Variants in CALM2 observed in about 807,000 individuals in gnomAD.
CALM2 encodes calmodulin-2.
In CALM2, 2 loss-of-function variants were observed where a neutral mutation model predicts 19.8. That is an observed-to-expected ratio of 0.10 (90% CI 0.04 to 0.32). The LOEUF (loss-of-function observed/expected upper bound fraction) is 0.32, where lower values mean the gene tolerates loss of function less well. Ranked by LOEUF, CALM2 falls within the 10% of genes least tolerant of loss-of-function variation. The pLI is 1.00. For missense variants in CALM2, 38 were observed against 178.7 expected (o/e 0.21, Z 4.49); for synonymous variants, 51 against 52.1 (o/e 0.98, Z 0.09).
intron 4 of CALM2, 90 bp downstream of exon 4, chr2:47,162,196 A>AAC: frequency 2.0e-6 from 1 of 490,302 alleles, no homozygotes; most frequent in Non-Finnish European, 3.4e-6. Flanking sequence ...AAAAAAAAAA[A>AAC]AAAACAACCA....
upstream of CALM2, chr2:47,176,577 C>T: frequency 2.6e-6 from 4 of 1,548,882 alleles, no homozygotes; most frequent in Middle Eastern, 1.7e-4. Flanking sequence ...CCGCCGCATC[C>T]AGATAACGGA....
intron 1 of CALM2, chr2:47,173,878 A>G (rs1386675552): frequency 2.0e-5 from 3 of 152,232 alleles, no homozygotes; most frequent in African/African-American, 4.8e-5. Flanking sequence ...AATTCTGAAG[A>G]ATAGTACTTA....
At chr2:47,170,897 A>T in intron 1 of CALM2, 133 bp from the exon 2 acceptor site, 3 of 747,550 alleles carry the variant, frequency 4.0e-6, no homozygotes, top group Middle Eastern at 2.3e-4. Flanking sequence ...ACATCTGGAT[A>T]GAAAATGCAC....
intron 1 of CALM2, among the ~76,000 whole-genome samples, chr2:47,176,056 C>T (rs547006259): frequency 3.8e-4 from 58 of 152,274 alleles, no homozygotes; most frequent in African/African-American, 1.3e-3. Context: ...ATTGAATTCG[C>T]CCCCTGCTTG....
chr2:47,163,499 C>G (rs1360185763), intron 2 of CALM2: 1 of 150,978 alleles, frequency 6.6e-6, no homozygotes, highest in Non-Finnish European at 1.5e-5. Flanking sequence ...ATGGTGCAAT[C>G]TCAGCCCACC....
chr2:47,161,947 A>C (rs1687170014), intron 4 of CALM2, 89 bp from the exon 5 acceptor site: 1 of 1,078,616 alleles, frequency 9.3e-7, no homozygotes. Flanking sequence ...TAAATTTCAC[A>C]TTGGGGGAAA....
At position 47,176,483 on chromosome 2, in the gene CALM2, C is replaced by G. The variant is rs758528730; in HGVS notation, c.-40G>C. ...CGGTTTCCGAGACGCGACCACACAA[C>G]CACTCAGCTCGCTCTCTCCACTCGG... On this transcript the variant is annotated 5_prime_UTR_variant, in exon 1 of 6. Coordinates refer to ENST00000272298, the MANE Select transcript of CALM2 (RefSeq NM_001743.6). 1.3e-5 allele frequency: 21 copies of G among 1,613,340 alleles called. No individual in the cohort carries two copies. The highest frequency in any genetic ancestry group is 6.6e-5 in the South Asian group (6 of 90,902).
intron 2 of CALM2, among the ~76,000 whole-genome samples, chr2:47,168,708 G>T (rs532143446): frequency 5.9e-5 from 9 of 152,092 alleles, no homozygotes; most frequent in African/African-American, 1.9e-4. Context: ...GAGTGAAACT[G>T]TCTCAAAATA....
At chr2:47,173,505 C>T (rs1666740610) in intron 1 of CALM2, 1 of 152,176 alleles carries the variant, frequency 6.6e-6, no homozygotes, top group Admixed American at 6.5e-5. Context: ...TTTTGGAGAA[C>T]CATAGGTGAT....
intron 1 of CALM2, chr2:47,172,552 A>C: frequency 1.0e-6 from 1 of 985,702 alleles, no homozygotes; most frequent in Non-Finnish European, 1.4e-6. Context: ...TTCCACACCG[A>C]ATGTAGACAT....
At chr2:47,175,011 AC>A (rs917984301) in intron 1 of CALM2, among the ~76,000 whole-genome samples, 2 of 148,850 alleles carry the variant, frequency 1.3e-5, no homozygotes, top group East Asian at 2.0e-4. Flanking sequence ...TCCTGGACAC[AC>A]CCATCGCTGT....
In CALM2 at chr2:47,167,814, C is replaced by CCTTTTTTTTTTTTTTTTTTTTTT. The variant is rs775532408; in HGVS notation, c.34+2919_34+2920insAAAAAAAAAAAAAAAAAAAAAAG. 189 of 96,462 alleles carry CCTTTTTTTTTTTTTTTTTTTTTT rather than the reference C, an allele frequency of 2.0e-3. 25 individuals carry two copies. Among genetic ancestry groups the CCTTTTTTTTTTTTTTTTTTTTTT allele is most frequent in the African/African-American group, 9.7e-3 (174 of 17,902 alleles). 6.0% of individuals were successfully genotyped at this position (96,462 alleles called of 1,614,324 possible). On this transcript the variant is annotated intron_variant, in intron 2 of 5. Transcript: ENST00000272298. Reference sequence around the variant, plus strand: ...AAAAAAAAAAATTTTTTTTTCTTTTCTTTGAGACAGGGTCTTGCTGTGTTG... The same window carrying CCTTTTTTTTTTTTTTTTTTTTTT: ...AAAAAAAAAAATTTTTTTTTCTTTTCCTTTTTTTTTTTTTTTTTTTTTTTTTGAGACAGGGTCTTGCTGTGTTG...
intron 5 of CALM2, among the ~76,000 whole-genome samples, chr2:47,161,438 T>C (rs563834288): frequency 1.1e-4 from 16 of 152,334 alleles, no homozygotes; most frequent in Admixed American, 1.0e-3. Flanking sequence ...TGAACAGTGC[T>C]TCTCAAACTT....
intron 1 of CALM2, chr2:47,172,425 G>A: frequency 2.6e-6 from 2 of 775,696 alleles, no homozygotes; most frequent in Non-Finnish European, 3.9e-6. Context: ...TTGCAGGGTT[G>A]TTGTGCAAAG....
intron 2 of CALM2, among the ~76,000 whole-genome samples, chr2:47,168,898 C>T (rs1052652733): frequency 6.6e-6 from 1 of 152,030 alleles, no homozygotes; most frequent in African/African-American, 2.4e-5. Context: ...CTGCATCAGC[C>T]TCCTGAGTGG....
intron 2 of CALM2, among the ~76,000 whole-genome samples, chr2:47,166,733 G>A (rs1002512275): frequency 2.0e-5 from 3 of 152,124 alleles, no homozygotes; most frequent in African/African-American, 7.2e-5. Context: ...TAATCTTTAT[G>A]TATAGAAGCA....
intron 5 of CALM2, among the ~76,000 whole-genome samples, chr2:47,161,151 C>G (rs985121850): frequency 6.6e-6 from 1 of 152,118 alleles, no homozygotes; most frequent in Non-Finnish European, 1.5e-5. Context: ...TATAACATTA[C>G]ATTTTATGCT....
At chr2:47,173,746 T>C (rs1170766571) in intron 1 of CALM2, 1 of 152,232 alleles carries the variant, frequency 6.6e-6, no homozygotes, top group African/African-American at 2.4e-5. Context: ...TCCCATCAGG[T>C]GCTACTTTGA....
chr2:47,162,842 C>T (rs1402995252), intron 2 of CALM2, 180 bp from the exon 3 acceptor site: 8 of 504,652 alleles, frequency 1.6e-5, no homozygotes, highest in South Asian at 3.6e-5. Context: ...AAACTTTTAA[C>T]GGAAAAATAC....
Sources: gnomAD v4.1 joint callset for allele counts (sites outside exome capture counted in the v4.1 genomes callset) on GRCh38, gnomAD v4.1.1 for gene constraint, MANE v1.5 for transcripts, NCBI Gene and HGNC (gene_info 2026-07-23, HGNC 2026-07-21) for gene names.